Variants in NEBL observed in about 807,000 individuals in gnomAD.
NEBL encodes the protein nebulette.
In NEBL, 122 loss-of-function variants were observed where a neutral mutation model predicts 140.2. That is an observed-to-expected ratio of 0.87 (90% CI 0.75 to 1.01). The LOEUF (loss-of-function observed/expected upper bound fraction) is 1.01, where lower values mean the gene tolerates loss of function less well. Among genes scored for constraint, NEBL ranks in the 50% least tolerant of loss-of-function variants. NEBL has a pLI of 0.00. For synonymous variants in NEBL, 436 were observed against 398.9 expected (o/e 1.09, Z -1.11); for missense variants, 1,365 against 1,231.3 (o/e 1.11, Z -1.62).
intron 3 of NEBL, among the ~76,000 whole-genome samples, chr10:21,195,983 T>A (rs916085256): frequency 1.3e-5 from 2 of 152,196 alleles, no homozygotes. Context: ...CTGGCTTTTA[T>A]TTTATTTTAC....
intron 3 of NEBL, among the ~76,000 whole-genome samples, chr10:21,182,203 G>A (rs1589318742): frequency 6.6e-6 from 1 of 151,110 alleles, no homozygotes; most frequent in East Asian, 1.9e-4. Flanking sequence ...TGGGCACGGT[G>A]GCTCACACCT....
At chr10:21,262,279 A>G (rs1842748944) in intron 1 of NEBL, among the ~76,000 whole-genome samples, 1 of 152,208 alleles carries the variant, frequency 6.6e-6, no homozygotes, top group Non-Finnish European at 1.5e-5. Context: ...TGAATACGCC[A>G]TCACGAAATG....
chr10:21,073,776 T>G (rs1003417845), intron 2 of NEBL, among the ~76,000 whole-genome samples: 1 of 151,770 alleles, frequency 6.6e-6, no homozygotes, highest in African/African-American at 2.4e-5. Flanking sequence ...AGATGAATGC[T>G]ATGAAATGCC....
chr10:21,123,028 A>T (rs1030897881), intron 2 of NEBL, among the ~76,000 whole-genome samples: 3 of 152,138 alleles, frequency 2.0e-5, no homozygotes, highest in African/African-American at 2.4e-5. Context: ...CAAGCCAGAA[A>T]TTTTTTTGAA....
chr10:20,869,891 A>G, intron 5 of NEBL, 50 bp from the exon 6 acceptor site: 1 of 1,118,256 alleles, frequency 8.9e-7, no homozygotes, highest in Non-Finnish European at 1.4e-6. Context: ...GTAATTTCAC[A>G]TAGCTACTAG....
intron 1 of NEBL, among the ~76,000 whole-genome samples, chr10:21,263,584 GGGACTATGA>G (rs1842765288): frequency 6.6e-6 from 1 of 152,158 alleles, no homozygotes; most frequent in Non-Finnish European, 1.5e-5. Context: ...GTTTTGGGAA[GGGACTATGA>G]TTATTCTTGC....
intron 4 of NEBL, among the ~76,000 whole-genome samples, chr10:20,941,505 TC>T (rs1834864439): frequency 6.6e-6 from 1 of 152,018 alleles, no homozygotes; most frequent in African/African-American, 2.4e-5. Flanking sequence ...GTGGAAGCAT[TC>T]CCTTTGAAAA....
intron 2 of NEBL, among the ~76,000 whole-genome samples, chr10:21,087,491 C>A (rs634878): frequency 6.6e-6 from 1 of 151,996 alleles, no homozygotes; most frequent in African/African-American, 2.4e-5. Flanking sequence ...TTCAGACTTT[C>A]TCTTCTCCCA....
At chr10:20,973,016 A>G (rs185712244) in intron 3 of NEBL, among the ~76,000 whole-genome samples, 1 of 152,256 alleles carries the variant, frequency 6.6e-6, no homozygotes, top group Non-Finnish European at 1.5e-5. Flanking sequence ...TAAATATATT[A>G]GAAGTGTTGA....
At chr10:21,158,718 C>T (rs1265136194) in intron 2 of NEBL, among the ~76,000 whole-genome samples, 1 of 152,174 alleles carries the variant, frequency 6.6e-6, no homozygotes, top group African/African-American at 2.4e-5. Context: ...CAACGCAAAA[C>T]GACTTGATGT....
chr10:21,198,802 C>T (rs1428735839), intron 3 of NEBL, among the ~76,000 whole-genome samples: 1 of 151,828 alleles, frequency 6.6e-6, no homozygotes, highest in African/African-American at 2.4e-5. Context: ...CAGACCTTCC[C>T]CTATTATTCT....
intron 3 of NEBL, among the ~76,000 whole-genome samples, chr10:20,973,273 G>A (rs576813227): frequency 6.8e-6 from 1 of 147,152 alleles, no homozygotes; most frequent in Admixed American, 6.8e-5. Context: ...AAGAGACAGA[G>A]TATTGCTTTG....
intron 26 of NEBL, among the ~76,000 whole-genome samples, chr10:20,803,978 ATTATAC>A (rs879761766): frequency 3.1e-4 from 47 of 151,674 alleles, no homozygotes; most frequent in Non-Finnish European, 4.0e-4. Context: ...TATAAAAATA[ATTATAC>A]TTATATATAT....
At chr10:21,113,256 A>G in intron 2 of NEBL, 1 of 328,646 alleles carries the variant, frequency 3.0e-6, no homozygotes, top group Non-Finnish European at 5.7e-6. Flanking sequence ...AAGACTCAAA[A>G]CCATCAACAC....
intron 4 of NEBL, among the ~76,000 whole-genome samples, chr10:20,932,949 G>A (rs543968186): frequency 6.6e-6 from 1 of 152,170 alleles, no homozygotes; most frequent in African/African-American, 2.4e-5. Flanking sequence ...ATATTAATGT[G>A]TACAAATGCT....
chr10:21,174,138 C>A (rs1342219330), exon 1 of NEBL: 9 of 617,766 alleles, frequency 1.5e-5, no homozygotes, highest in African/African-American at 2.0e-5. Flanking sequence ...CACTCGCGCC[C>A]GCCCCTCGCG....
intron 18 of NEBL, among the ~76,000 whole-genome samples, chr10:20,824,292 T>C (rs375455358): frequency 2.6e-5 from 4 of 152,304 alleles, no homozygotes; most frequent in African/African-American, 9.6e-5. Flanking sequence ...CACCTGGTAA[T>C]GTTTAAAATG....
At chr10:21,125,479 C>T (rs73607599) in intron 2 of NEBL, among the ~76,000 whole-genome samples, 8,872 of 152,210 alleles carry the variant, frequency 0.058, 832 homozygotes, top group African/African-American at 0.2. Flanking sequence ...AGGCTTCCCT[C>T]GAAATCTAGC....
intron 2 of NEBL, among the ~76,000 whole-genome samples, chr10:21,081,703 TG>T (rs879830440): frequency 5.3e-5 from 8 of 151,884 alleles, no homozygotes; most frequent in Admixed American, 3.3e-4. Context: ...ATTCCAGGGA[TG>T]GGGGAGGAAA....
Sources: allele counts gnomAD v4.1 joint callset (sites outside exome capture counted in the v4.1 genomes callset), GRCh38; gene constraint gnomAD v4.1.1; transcripts MANE v1.5; gene names NCBI Gene and HGNC (gene_info 2026-07-23, HGNC 2026-07-21).